Variants in STARD13 observed in about 807,000 individuals in gnomAD.
STARD13 encodes the protein stAR-related lipid transfer protein 13.
In STARD13, 62 loss-of-function variants were observed where a neutral mutation model predicts 106.4. The ratio of observed to expected loss-of-function variants is 0.58; its 90% CI spans 0.48 to 0.72. The LOEUF (loss-of-function observed/expected upper bound fraction) is 0.72, where lower values mean the gene tolerates loss of function less well. Ranked by LOEUF, STARD13 falls within the 30% of genes least tolerant of loss-of-function variation. The pLI is 0.00. For missense variants in STARD13, 1,387 were observed against 1,424.0 expected, an observed-to-expected ratio of 0.97 and a Z score of 0.42; for synonymous variants, 565 against 553.0, an observed-to-expected ratio of 1.02 and a Z score of -0.31.
intron 1 of STARD13, among the ~76,000 whole-genome samples, chr13:33,233,908 A>T (rs1174662071): frequency 3.9e-5 from 6 of 152,190 alleles, no homozygotes; most frequent in Non-Finnish European, 7.4e-5. Flanking sequence ...TTGCTTGCTC[A>T]CGTGCTCCCT....
At position 33,229,835 on chromosome 13, in the gene STARD13, A is replaced by G. The variant is rs1888819988; in HGVS notation, c.169+55635T>C. Among the ~76,000 whole-genome samples the G allele has an allele frequency of 2.0e-5, 3 of 152,246 alleles. No homozygotes were observed. In the South Asian group the frequency reaches 6.2e-4, roughly 31 times the overall value. ...TGCCAGAAGCCTCAGTGAGGCACACAGAGCTCACATTCAAAGGCAGCTCTC... is the reference window on the plus strand; with the variant it reads ...TGCCAGAAGCCTCAGTGAGGCACACGGAGCTCACATTCAAAGGCAGCTCTC... On this transcript the variant is annotated intron_variant, in intron 1 of 13. Coordinates refer to ENST00000336934, the MANE Select transcript of STARD13 (RefSeq NM_178006.4).
At chr13:33,666,307 T>G in the STARD13 span, among the ~76,000 whole-genome samples, 2 of 152,328 alleles carry the variant, frequency 1.3e-5, no homozygotes, top group East Asian at 1.9e-4. Flanking sequence ...TTTTTGGTTT[T>G]TTTTGAGAGA....
chr13:33,111,732 G>T, intron 10 of STARD13, 46 bp downstream of exon 10: 1 of 1,178,074 alleles, frequency 8.5e-7, no homozygotes, highest in Non-Finnish European at 1.3e-6. Flanking sequence ...GTCTTATCTA[G>T]TTCCAAGAGC....
the STARD13 span, among the ~76,000 whole-genome samples, chr13:33,483,001 AC>A: frequency 6.6e-6 from 1 of 152,194 alleles, no homozygotes; most frequent in Non-Finnish European, 1.5e-5. Context: ...GACACCCTGG[AC>A]CACCCTCCTG....
At chr13:33,118,299 A>G (rs767899430) in intron 7 of STARD13, 36 bp from the exon 8 acceptor site, 31 of 1,589,250 alleles carry the variant, frequency 2.0e-5, no homozygotes, top group Non-Finnish European at 2.6e-5. Context: ...CAGCCAGGCC[A>G]CACTTGGTTG....
upstream of STARD13, among the ~76,000 whole-genome samples, chr13:33,353,346 G>A (rs1017440847): frequency 2.6e-5 from 4 of 152,108 alleles, no homozygotes; most frequent in South Asian, 2.1e-4. Context: ...ATCTAACAAC[G>A]TGTTCCAGTT....
At chr13:33,113,268 T>C in intron 8 of STARD13, 1 of 389,334 alleles carries the variant, frequency 2.6e-6, no homozygotes, top group Non-Finnish European at 4.9e-6. Context: ...CTGGGTGAAG[T>C]TGGTGATTAG....
the STARD13 span, among the ~76,000 whole-genome samples, chr13:33,674,299 C>A: frequency 3.9e-5 from 6 of 152,158 alleles, no homozygotes; most frequent in East Asian, 1.2e-3. Context: ...ATGAAATATT[C>A]TTCAAATGGG....
the STARD13 span, among the ~76,000 whole-genome samples, chr13:33,551,568 C>CTTTTTTTTTTTTTTTTTTTT: frequency 1.2e-3 from 52 of 44,794 alleles, 26 homozygotes; most frequent in Middle Eastern, 0.02. Context: ...TTTGCTTTTC[C>CTTTTTTTTTTTTTTTTTTTT]CTTTTTTTTT....
the STARD13 span, among the ~76,000 whole-genome samples, chr13:33,360,071 A>G: frequency 1.3e-5 from 2 of 152,268 alleles, no homozygotes; most frequent in Non-Finnish European, 2.9e-5. Context: ...AACGTCCTGC[A>G]ACATTTCCTT....
In STARD13 at chr13:33,333,503, A is replaced by G. The variant is rs548062828; in HGVS notation, c.124+16787T>C. On this transcript the variant is annotated intron_variant, in intron 1 of 5. Transcript: ENST00000567873. ...TTTAGCTGTAAAATGAAAATTTCCA[A>G]TTGCACCTTAGAAGGAGGCTGGAGG... Among the ~76,000 whole-genome samples, 25 of 152,342 alleles carry G rather than the reference A, an allele frequency of 1.6e-4. No homozygotes were observed. The South Asian group carries it at 3.9e-3, about 24-fold the overall frequency.
intron 3 of STARD13, among the ~76,000 whole-genome samples, chr13:33,158,015 G>T (rs1882185632): frequency 6.6e-6 from 1 of 152,180 alleles, no homozygotes; most frequent in African/African-American, 2.4e-5. Flanking sequence ...AATTGTGGTT[G>T]TTACATTAAT....
At chr13:33,228,656 A>G (rs1471492412) in intron 1 of STARD13, among the ~76,000 whole-genome samples, 3 of 152,204 alleles carry the variant, frequency 2.0e-5, no homozygotes, top group Non-Finnish European at 4.4e-5. Flanking sequence ...TAAATGAATA[A>G]CATGTTTGTG....
intron 1 of STARD13, among the ~76,000 whole-genome samples, chr13:33,203,079 C>G (rs1303467886): frequency 2.0e-5 from 3 of 152,182 alleles, no homozygotes; most frequent in African/African-American, 7.2e-5. Flanking sequence ...GCCTCCCAAC[C>G]ACCTCGTGCT....
chr13:33,357,979 G>A, the STARD13 span, among the ~76,000 whole-genome samples: 24 of 152,338 alleles, frequency 1.6e-4, no homozygotes, highest in African/African-American at 5.8e-4. Flanking sequence ...GAGGTGTGGA[G>A]GGAGAGGCAC....
the STARD13 span, among the ~76,000 whole-genome samples, chr13:33,532,759 C>T: frequency 1.3e-5 from 2 of 152,126 alleles, no homozygotes; most frequent in South Asian, 2.1e-4. Flanking sequence ...TTATTTATAT[C>T]TCAAGTAATT....
the STARD13 span, among the ~76,000 whole-genome samples, chr13:33,649,947 A>G: frequency 6.6e-6 from 1 of 152,226 alleles, no homozygotes; most frequent in East Asian, 1.9e-4. Flanking sequence ...AGTATTTGTC[A>G]TACCTTCTAA....
the STARD13 span, among the ~76,000 whole-genome samples, chr13:33,508,628 AC>A: frequency 6.6e-6 from 1 of 152,316 alleles, no homozygotes; most frequent in African/African-American, 2.4e-5. Flanking sequence ...AAAATGTGAC[AC>A]TGGATAAGCT....
downstream of STARD13, among the ~76,000 whole-genome samples, chr13:33,347,540 C>T (rs1051415780): frequency 6.6e-6 from 1 of 152,212 alleles, no homozygotes; most frequent in Non-Finnish European, 1.5e-5. Context: ...AGCCACCACG[C>T]CTGACTGCTG....
Sources: gnomAD v4.1 joint callset for allele counts (sites outside exome capture counted in the v4.1 genomes callset) on GRCh38, gnomAD v4.1.1 for gene constraint, MANE v1.5 for transcripts, NCBI Gene and HGNC (gene_info 2026-07-23, HGNC 2026-07-21) for gene names.